Variants in LRRC3B observed in about 807,000 individuals in gnomAD.
The protein encoded by LRRC3B is leucine rich repeat containing 3B.
In LRRC3B, 2 loss-of-function variants were observed where a neutral mutation model predicts 12.8. The observed-to-expected ratio is 0.16, with a 90% CI of 0.06 to 0.49. LRRC3B has a LOEUF of 0.49. LRRC3B is among the 20% of genes least tolerant of loss of function. The pLI is 0.96. For synonymous variants in LRRC3B, 132 were observed against 122.0 expected (o/e 1.08, Z -0.54); for missense variants, 189 against 319.4 (o/e 0.59, Z 3.11).
At chr3:26,656,583 G>T (rs1336894748) in intron 1 of LRRC3B, among the ~76,000 whole-genome samples, 1 of 152,170 alleles carries the variant, frequency 6.6e-6, no homozygotes, top group Admixed American at 6.5e-5. Flanking sequence ...CTGTTACATG[G>T]CTACACCTAA....
chr3:26,689,361 A>C (rs1392565658), intron 1 of LRRC3B, among the ~76,000 whole-genome samples: 1 of 152,180 alleles, frequency 6.6e-6, no homozygotes, highest in East Asian at 1.9e-4. Context: ...GTAACAGTGC[A>C]TCTGGGACAC....
chr3:26,670,324 G>T (rs1699694212), intron 1 of LRRC3B, among the ~76,000 whole-genome samples: 1 of 152,152 alleles, frequency 6.6e-6, no homozygotes, highest in Non-Finnish European at 1.5e-5. Context: ...AATAACTGAA[G>T]GGATTTAGTT....
intron 1 of LRRC3B, among the ~76,000 whole-genome samples, chr3:26,651,527 TTA>T (rs2125415192): frequency 6.6e-6 from 1 of 152,310 alleles, no homozygotes; most frequent in East Asian, 1.9e-4. Flanking sequence ...AAAATTTACT[TTA>T]TCAATGCTGT....
chr3:26,628,913 G>T (rs1029386613), intron 1 of LRRC3B, among the ~76,000 whole-genome samples: 2 of 149,672 alleles, frequency 1.3e-5, no homozygotes, highest in Non-Finnish European at 3.0e-5. Flanking sequence ...TAAATGAACA[G>T]ATTAGGAAAG....
intron 1 of LRRC3B, among the ~76,000 whole-genome samples, chr3:26,645,565 G>T (rs186368363): frequency 2.0e-5 from 3 of 151,504 alleles, no homozygotes; most frequent in Admixed American, 6.6e-5. Context: ...TATATATATA[G>T]ATATATACAC....
intron 1 of LRRC3B, among the ~76,000 whole-genome samples, chr3:26,660,030 T>G (rs1378785622): frequency 1.3e-5 from 2 of 152,096 alleles, no homozygotes; most frequent in African/African-American, 2.4e-5. Flanking sequence ...TTGCTTAGAG[T>G]TTTAATCTTC....
intron 1 of LRRC3B, among the ~76,000 whole-genome samples, chr3:26,637,236 A>T (rs752017966): frequency 7.2e-5 from 11 of 151,962 alleles, no homozygotes; most frequent in Non-Finnish European, 1.5e-4. Flanking sequence ...GTTGTATTCA[A>T]CTGAGTGAGG....
At chr3:26,668,061 A>G (rs1216350436) in intron 1 of LRRC3B, among the ~76,000 whole-genome samples, 1 of 152,082 alleles carries the variant, frequency 6.6e-6, no homozygotes, top group African/African-American at 2.4e-5. Flanking sequence ...AGAGTACATG[A>G]TGGGGCATTT....
chr3:26,677,561 G>A (rs958160042), intron 1 of LRRC3B, among the ~76,000 whole-genome samples: 1 of 152,244 alleles, frequency 6.6e-6, no homozygotes, highest in Non-Finnish European at 1.5e-5. Context: ...CAGTGGGCCA[G>A]CTTGTTGGCG....
At chr3:26,628,422 GGAA>G (rs1698676847) in intron 1 of LRRC3B, among the ~76,000 whole-genome samples, 1 of 45,136 alleles carries the variant, frequency 2.2e-5, no homozygotes, top group African/African-American at 1.4e-4. Context: ...AGAAGATACT[GGAA>G]AAAAAAAAAA....
At chr3:26,650,917 A>G (rs1699251937) in intron 1 of LRRC3B, among the ~76,000 whole-genome samples, 1 of 152,146 alleles carries the variant, frequency 6.6e-6, no homozygotes, top group Non-Finnish European at 1.5e-5. Flanking sequence ...TCCTGTATCT[A>G]AACAGTAAAT....
intron 1 of LRRC3B, among the ~76,000 whole-genome samples, chr3:26,634,160 A>G (rs1248022663): frequency 6.6e-6 from 1 of 152,146 alleles, no homozygotes; most frequent in Non-Finnish European, 1.5e-5. Context: ...CACAGGTGAG[A>G]GTTTCTTCAG....
intron 1 of LRRC3B, among the ~76,000 whole-genome samples, chr3:26,694,392 A>G (rs1233943861): frequency 1.3e-5 from 2 of 152,178 alleles, no homozygotes; most frequent in African/African-American, 4.8e-5. Context: ...AGTCTCAGAA[A>G]GAGTGTTTTT....
At chr3:26,645,419 A>T (rs761740717) in intron 1 of LRRC3B, among the ~76,000 whole-genome samples, 7 of 152,152 alleles carry the variant, frequency 4.6e-5, no homozygotes, top group Non-Finnish European at 7.4e-5. Context: ...GCTCAGACAC[A>T]CTCAGCAAAG....
intron 1 of LRRC3B, among the ~76,000 whole-genome samples, chr3:26,665,867 T>C (rs1261088901): frequency 6.6e-6 from 1 of 152,140 alleles, no homozygotes; most frequent in African/African-American, 2.4e-5. Flanking sequence ...TCCTGGAAAA[T>C]CTGTCTAACT....
chr3:26,640,454 AAAAC>A (rs137914047), intron 1 of LRRC3B, among the ~76,000 whole-genome samples: 37,070 of 142,198 alleles, frequency 0.26, 4,803 homozygotes, highest in African/African-American at 0.35. Context: ...CCAAAAAACA[AAAAC>A]AAACAAACAA....
intron 1 of LRRC3B, among the ~76,000 whole-genome samples, chr3:26,704,646 CACCTCA>C (rs1700540287): frequency 6.6e-6 from 1 of 151,952 alleles, no homozygotes; most frequent in Non-Finnish European, 1.5e-5. Context: ...ATAATCCTTG[CACCTCA>C]ATCTATCTCA....
At chr3:26,627,214 A>T (rs572408885) in intron 1 of LRRC3B, among the ~76,000 whole-genome samples, 1 of 152,192 alleles carries the variant, frequency 6.6e-6, no homozygotes, top group African/African-American at 2.4e-5. Context: ...GTTTCCAAGA[A>T]CACCTCATGT....
At chr3:26,680,755 G>T (rs1343820951) in intron 1 of LRRC3B, among the ~76,000 whole-genome samples, 1 of 152,126 alleles carries the variant, frequency 6.6e-6, no homozygotes, top group Non-Finnish European at 1.5e-5. Context: ...TTCCCTCCTT[G>T]TCTCCAACAA....
Sources: allele counts gnomAD v4.1 joint callset (sites outside exome capture counted in the v4.1 genomes callset), GRCh38; gene constraint gnomAD v4.1.1; transcripts MANE v1.5; gene names NCBI Gene and HGNC (gene_info 2026-07-23, HGNC 2026-07-21).